Variants in RAPGEF1 observed in about 807,000 individuals in gnomAD.
RAPGEF1 encodes CRK SH3-binding GNRP.
A neutral mutation model predicts 143.3 loss-of-function variants in RAPGEF1; 33 were observed. The observed-to-expected ratio is 0.23, with a 90% CI of 0.17 to 0.31. RAPGEF1 has a LOEUF of 0.31. Ranked by LOEUF, RAPGEF1 falls within the 10% of genes least tolerant of loss-of-function variation. The pLI, the probability that RAPGEF1 is intolerant of heterozygous loss-of-function variation, is 1.00. For synonymous variants in RAPGEF1, 629 were observed against 676.5 expected (o/e 0.93, Z 1.09); for missense variants, 1,199 against 1,645.4 (o/e 0.73, Z 4.69).
At chr9:131,592,722 C>G (rs1954546475) in intron 17 of RAPGEF1, among the ~76,000 whole-genome samples, 1 of 152,104 alleles carries the variant, frequency 6.6e-6, no homozygotes, top group Non-Finnish European at 1.5e-5. Context: ...AAATGAAACC[C>G]TAGGCTTTAC....
intron 1 of RAPGEF1, among the ~76,000 whole-genome samples, chr9:131,732,288 CT>C (rs1837126527): frequency 6.6e-6 from 1 of 151,986 alleles, no homozygotes; most frequent in Non-Finnish European, 1.5e-5. Flanking sequence ...TGGGATGGTG[CT>C]CATTATGGGT....
At chr9:131,648,517 T>G (rs1970276718) in intron 3 of RAPGEF1, among the ~76,000 whole-genome samples, 1 of 152,244 alleles carries the variant, frequency 6.6e-6, no homozygotes, top group South Asian at 2.1e-4. Flanking sequence ...AAGTGAATCA[T>G]TTTACTCTGA....
chr9:131,685,770 C>T (rs1833294975), intron 1 of RAPGEF1, among the ~76,000 whole-genome samples: 1 of 152,182 alleles, frequency 6.6e-6, no homozygotes, highest in Admixed American at 6.5e-5. Context: ...ATTCCTCTAG[C>T]GCCGCTGGGT....
At chr9:131,609,600 C>T (rs1588420356) in intron 12 of RAPGEF1, among the ~76,000 whole-genome samples, 1 of 152,108 alleles carries the variant, frequency 6.6e-6, no homozygotes, top group South Asian at 2.1e-4. Context: ...GCAGGACAGG[C>T]AGGGAAAAGG....
intron 1 of RAPGEF1, among the ~76,000 whole-genome samples, chr9:131,662,154 C>T (rs1051406740): frequency 2.0e-5 from 3 of 152,318 alleles, no homozygotes; most frequent in Middle Eastern, 3.4e-3. Context: ...TGCTCACACA[C>T]TGCACCAGCC....
rs1832171769 is a variant in RAPGEF1, at chr9:131,675,428, T to C, written c.62-24479A>G. On this transcript the variant is annotated intron_variant, in intron 1 of 26. Coordinates refer to ENST00000683357, the MANE Select transcript of RAPGEF1 (RefSeq NM_001377935.1). The surrounding 1 kb of genome is among the most constrained non-coding windows in gnomAD (Gnocchi z 4.6). ...CGTCCACAGGGTTCACCATGTGTTT[T>C]TTTCTTCACCGGCCATGAGAAAGGA... Among the ~76,000 whole-genome samples, 1 of 152,200 alleles carries C rather than the reference T, an allele frequency of 6.6e-6. No individual in the cohort carries two copies. Among genetic ancestry groups the C allele is most frequent in the African/African-American group, 2.4e-5 (1 of 41,454 alleles).
rs1434205205 is a variant in RAPGEF1 at position 131,650,275 on chromosome 9, T to C, written c.202-33A>G. On this transcript the variant is annotated intron_variant, in intron 2 of 26. Coordinates refer to ENST00000683357, the MANE Select transcript of RAPGEF1 (RefSeq NM_001377935.1). The surrounding 1 kb of genome is among the most constrained non-coding windows in gnomAD (Gnocchi z 4.7). Reference sequence around the variant, plus strand: ...AGAGGAAACCTGGATTCCTACAGAGTTTGAAATGGCTGTTTGAGGCCGAAG... The same window carrying C: ...AGAGGAAACCTGGATTCCTACAGAGCTTGAAATGGCTGTTTGAGGCCGAAG... 3 of 1,540,332 alleles carry C rather than the reference T, an allele frequency of 1.9e-6. No individual in the cohort carries two copies. Among genetic ancestry groups the C allele is most frequent in the Non-Finnish European group, 2.7e-6 (3 of 1,119,854 alleles).
At chr9:131,682,081 A>G (rs1832962505) in intron 1 of RAPGEF1, among the ~76,000 whole-genome samples, 1 of 152,134 alleles carries the variant, frequency 6.6e-6, no homozygotes. Flanking sequence ...AGCACAGGCA[A>G]TGGCAAGACT....
chr9:131,601,049 G>A (rs1956185895), intron 15 of RAPGEF1, among the ~76,000 whole-genome samples: 1 of 151,986 alleles, frequency 6.6e-6, no homozygotes, highest in African/African-American at 2.4e-5. Flanking sequence ...GCACATGCCT[G>A]TAGTCCCAGC....
Position 131,626,034 on chromosome 9 carries a change from A to G in RAPGEF1, c.1590T>C (p.Phe530=). The G allele has an allele frequency of 6.2e-7, 1 of 1,612,722 alleles. No homozygotes were observed. ...PYAPFAAILP[F]QHGGSSAPVE... ...CAGGGGCTGAGGAACCTCCATGCTG[A>G]AAGGGCAGAATAGCAGCAAAGGGCG... The change falls in exon 10 of 27, where the codon TTT becomes TTC. Residue 530 remains phenylalanine, a synonymous_variant. Transcript: ENST00000683357.
At chr9:131,580,711 A>C (rs1425322343) in intron 25 of RAPGEF1, among the ~76,000 whole-genome samples, 1 of 152,160 alleles carries the variant, frequency 6.6e-6, no homozygotes, top group African/African-American at 2.4e-5. Flanking sequence ...CAGTAAAAAA[A>C]AAAAATAACA....
At chr9:131,604,539 C>A (rs1193871179) in intron 13 of RAPGEF1, among the ~76,000 whole-genome samples, 1 of 152,222 alleles carries the variant, frequency 6.6e-6, no homozygotes, top group Non-Finnish European at 1.5e-5. Context: ...GAATCTGTCA[C>A]CTCCACACTT....
intron 1 of RAPGEF1, among the ~76,000 whole-genome samples, chr9:131,719,088 C>G (rs1418262419): frequency 6.6e-6 from 1 of 152,182 alleles, no homozygotes; most frequent in Non-Finnish European, 1.5e-5. Flanking sequence ...CCCACCTCAG[C>G]CACCAGAGTA....
At chr9:131,593,669 G>A (rs1199135939) in intron 17 of RAPGEF1, among the ~76,000 whole-genome samples, 1 of 152,208 alleles carries the variant, frequency 6.6e-6, no homozygotes, top group Non-Finnish European at 1.5e-5. Context: ...ACCCACGCCT[G>A]CTCTTGCACT....
chr9:131,732,847 G>A (rs1477828197), intron 1 of RAPGEF1, among the ~76,000 whole-genome samples: 9 of 152,186 alleles, frequency 5.9e-5, no homozygotes, highest in Non-Finnish European at 1.3e-4. Context: ...TAATGGCACC[G>A]CAGTGGTAGA....
At chr9:131,592,658 A>G (rs1954529941) in intron 17 of RAPGEF1, among the ~76,000 whole-genome samples, 2 of 152,214 alleles carry the variant, frequency 1.3e-5, no homozygotes, top group African/African-American at 4.8e-5. Context: ...AGAGGGTCTC[A>G]GCCATCATGG....
Position 131,578,860 on chromosome 9 carries a change from C to T in RAPGEF1, c.*637G>A, listed in dbSNP as rs190042691. On this transcript the variant is annotated 3_prime_UTR_variant, in exon 27 of 27. Transcript: ENST00000683357. ...AGGGAGGCCCTGATGGCGCCAGTACCGCGGGGCAGAGCACCAGCTGCGGGG... is the reference window on the plus strand; with the variant it reads ...AGGGAGGCCCTGATGGCGCCAGTACTGCGGGGCAGAGCACCAGCTGCGGGG... The T allele has an allele frequency of 4.9e-3, 742 of 152,744 alleles. 6 individuals are homozygous for T. Among genetic ancestry groups the T allele is most frequent in the Non-Finnish European group, 8.1e-3 (553 of 68,386 alleles). The allele number at this position is 152,744 out of a possible 1,614,324, so 9.5% of individuals were successfully genotyped here.
In RAPGEF1 at chr9:131,628,729, C is replaced by A. The variant is rs908319294; in HGVS notation, c.894-57G>T. 4.6e-6 allele frequency: 7 copies of A among 1,533,802 alleles called. No individual in the cohort carries two copies. Among genetic ancestry groups the A allele is most frequent in the East Asian group, 2.3e-5 (1 of 43,852 alleles). ...AACCACACTCACCAAAGCTCTTCAG[C>A]GTGATATTGGGGTACAGGATGTGGG... On this transcript the variant is annotated intron_variant, in intron 7 of 26. Coordinates refer to ENST00000683357, the MANE Select transcript of RAPGEF1 (RefSeq NM_001377935.1). The surrounding 1 kb of genome is among the most constrained non-coding windows in gnomAD (Gnocchi z 5.7).
intron 1 of RAPGEF1, among the ~76,000 whole-genome samples, chr9:131,726,002 AC>A (rs1836641115): frequency 6.6e-6 from 1 of 150,538 alleles, no homozygotes. Flanking sequence ...CTCGTGATTC[AC>A]CCGCCTCAGC....
Sources: allele counts gnomAD v4.1 joint callset (sites outside exome capture counted in the v4.1 genomes callset), GRCh38; gene constraint gnomAD v4.1.1; non-coding constraint Gnocchi (gnomAD v3.1); transcripts MANE v1.5; gene names NCBI Gene and HGNC (gene_info 2026-07-23, HGNC 2026-07-21).